PRKN: variants seen among roughly 807,000 people sequenced by gnomAD.
PRKN encodes the protein parkin RBR E3 ubiquitin protein ligase.
Under a neutral mutation model 59.5 loss-of-function variants are expected in PRKN, and 56 were observed. The ratio of observed to expected loss-of-function variants is 0.94; its 90% confidence interval spans 0.76 to 1.18. The LOEUF (loss-of-function observed/expected upper bound fraction) is 1.18. PRKN is among the 50% of genes most tolerant of loss of function. The probability of loss-of-function intolerance (pLI) is 0.00; values close to 1 mark genes in which losing one functional copy is unlikely to be tolerated. For synonymous variants in PRKN, 250 were observed against 222.1 expected (o/e 1.13, Z -1.12); for missense variants, 657 against 596.4 (o/e 1.10, Z -1.06).
rs1042075183 is a variant in PRKN, at chr6:161,467,218, C to G, written c.1084-80341G>C. ...GCATTTTGAGAGAGACTTCTTCCAT[C>G]TACACCCTTCTGTCTTAAGTATAAT... On this transcript the variant is annotated intron_variant, in intron 9 of 11. Coordinates refer to ENST00000366898, the MANE Select transcript of PRKN (RefSeq NM_004562.3). The surrounding 1 kb of genome is among the most constrained non-coding windows in gnomAD (Gnocchi z 4.3). 6.6e-6 allele frequency among the ~76,000 whole-genome samples: 1 copy of G among 152,208 alleles called. No homozygotes were observed.
At chr6:161,689,185 TACACACACACACACAC>T (rs34193135) in intron 7 of PRKN, among the ~76,000 whole-genome samples, 1,573 of 143,950 alleles carry the variant, frequency 0.011, 11 homozygotes, top group Middle Eastern at 0.015. Context: ...AATTAAATTG[TACACACACACACACAC>T]ACACACACAC....
At position 162,467,477 on chromosome 6, in the gene PRKN, T is replaced by C. The variant is rs536798343; in HGVS notation, c.8-24004A>G. ...AGCACCATGAATGAATAGCTCATGA[T>C]AAAAATTTAGCGATCGTCATCAGTG... On this transcript the variant is annotated intron_variant, in intron 1 of 11. Coordinates refer to ENST00000366898, the MANE Select transcript of PRKN (RefSeq NM_004562.3). Among the ~76,000 whole-genome samples the C allele has an allele frequency of 3.3e-5, 5 of 152,290 alleles. No homozygotes were observed. In the East Asian group the frequency reaches 9.6e-4, roughly 29 times the overall value.
rs962113440 is a variant in PRKN at position 161,454,122 on chromosome 6, G to A, written c.1084-67245C>T. Among the ~76,000 whole-genome samples, 1 of 152,120 alleles carries A rather than the reference G, an allele frequency of 6.6e-6. No individual in the cohort carries two copies. The highest frequency in any genetic ancestry group is 1.5e-5 in the Non-Finnish European group (1 of 68,030). On this transcript the variant is annotated intron_variant, in intron 9 of 11. Coordinates refer to ENST00000366898, the MANE Select transcript of PRKN (RefSeq NM_004562.3). The surrounding 1 kb of genome is among the most constrained non-coding windows in gnomAD (Gnocchi z 4.6). Reference sequence around the variant, plus strand: ...TTATTTCTTTCTTTCTGAGATGGAAGGAAACCTAAAAGTAACAATGTACAC... The same window carrying A: ...TTATTTCTTTCTTTCTGAGATGGAAAGAAACCTAAAAGTAACAATGTACAC...
chr6:162,159,076 C>A (rs547595550), intron 4 of PRKN, among the ~76,000 whole-genome samples: 2 of 152,088 alleles, frequency 1.3e-5, no homozygotes, highest in Admixed American at 6.5e-5. Context: ...CCACACTCAC[C>A]CTTAGAGCCC....
intron 7 of PRKN, among the ~76,000 whole-genome samples, chr6:161,656,031 C>T (rs1784338341): frequency 6.6e-6 from 1 of 152,178 alleles, no homozygotes; most frequent in African/African-American, 2.4e-5. Context: ...TTTGTTACAG[C>T]TTTCTAGTCT....
rs1029778919 is a variant in PRKN, at chr6:161,470,147, G to A, written c.1083+78707C>T. The stretch of plus-strand genomic sequence containing the variant: ...ATTGCATAGCTAGGAAGTGAACTCT[G>A]GCTAGGGTCTAAACCTAGACAGTCT... On this transcript the variant is annotated intron_variant, in intron 9 of 11. Coordinates refer to ENST00000366898, the MANE Select transcript of PRKN (RefSeq NM_004562.3). This position sits in a 1 kb window ranked among gnomAD's most constrained non-coding sequence, Gnocchi z 5.1. 6.6e-6 allele frequency among the ~76,000 whole-genome samples: 1 copy of A among 152,184 alleles called. No individual in the cohort carries two copies. Among genetic ancestry groups the A allele is most frequent in the Non-Finnish European group, 1.5e-5 (1 of 68,044 alleles).
intron 5 of PRKN, among the ~76,000 whole-genome samples, chr6:162,011,400 A>ATTATATATTTAT (rs1562458896): frequency 6.3e-5 from 1 of 15,830 alleles, no homozygotes; most frequent in Non-Finnish European, 9.2e-5. Flanking sequence ...TATATATTAT[A>ATTATATATTTAT]AATATATAAT....
At position 161,447,903 on chromosome 6, in the gene PRKN, T is replaced by A. The variant is rs761840591; in HGVS notation, c.1084-61026A>T. Among the ~76,000 whole-genome samples, 1 of 152,218 alleles carries A rather than the reference T, an allele frequency of 6.6e-6. No individual in the cohort carries two copies. The highest frequency in any genetic ancestry group is 1.5e-5 in the Non-Finnish European group (1 of 68,036). ...AAGTTAAGCCCTGGAAATGGAGTTG[T>A]GAGAGCAGGCTGTTTTTTCTCTCTG... On this transcript the variant is annotated intron_variant, in intron 9 of 11. Coordinates refer to ENST00000366898, the MANE Select transcript of PRKN (RefSeq NM_004562.3). The surrounding 1 kb of genome is among the most constrained non-coding windows in gnomAD (Gnocchi z 4.1).
chr6:162,353,454 T>C (rs1425354971), intron 2 of PRKN, among the ~76,000 whole-genome samples: 2 of 152,110 alleles, frequency 1.3e-5, no homozygotes, highest in Admixed American at 6.6e-5. Flanking sequence ...GTACATAAAA[T>C]AAATGTTAAA....
chr6:161,976,909 T>G (rs1431073208), intron 5 of PRKN, among the ~76,000 whole-genome samples: 2 of 152,154 alleles, frequency 1.3e-5, no homozygotes, highest in African/African-American at 4.8e-5. Flanking sequence ...CCAGATAAAA[T>G]TCAGCCAGAT....
At chr6:162,220,072 G>T (rs978530151) in intron 3 of PRKN, among the ~76,000 whole-genome samples, 1 of 152,064 alleles carries the variant, frequency 6.6e-6, no homozygotes, top group Non-Finnish European at 1.5e-5. Flanking sequence ...TAGATATACA[G>T]AAGAATGAAA....
chr6:161,946,446 TCTCTC>T (rs1779786187), intron 6 of PRKN, among the ~76,000 whole-genome samples: 1 of 143,656 alleles, frequency 7.0e-6, no homozygotes, highest in South Asian at 2.3e-4. Context: ...TCTCTCTCTC[TCTCTC>T]AATACAAAAG....
At chr6:161,888,667 C>T (rs535187788) in intron 6 of PRKN, among the ~76,000 whole-genome samples, 1 of 152,200 alleles carries the variant, frequency 6.6e-6, no homozygotes, top group South Asian at 2.1e-4. Flanking sequence ...TCAATAACTG[C>T]CCATAATCTT....
intron 1 of PRKN, among the ~76,000 whole-genome samples, chr6:162,638,001 A>G (rs1777797195): frequency 6.6e-6 from 1 of 152,064 alleles, no homozygotes; most frequent in Non-Finnish European, 1.5e-5. Context: ...CAATCCTACA[A>G]TATAACGAAG....
rs1398467610 is a variant in PRKN at position 161,527,447 on chromosome 6, C to T, written c.1083+21407G>A. The stretch of plus-strand genomic sequence containing the variant: ...GGGCTGGGAAACAGGGCATTTCCCT[C>T]CCTGAACCTTACAACCTGCTGGATG... On this transcript the variant is annotated intron_variant, in intron 9 of 11. Transcript: ENST00000366898. This position sits in a 1 kb window ranked among gnomAD's most constrained non-coding sequence, Gnocchi z 4.6. Among the ~76,000 whole-genome samples, 2 of 152,182 alleles carry T rather than the reference C, an allele frequency of 1.3e-5. No individual in the cohort carries two copies. The highest frequency in any genetic ancestry group is 2.9e-5 in the Non-Finnish European group (2 of 68,030).
chr6:162,577,545 A>G (rs1397314135), intron 1 of PRKN, among the ~76,000 whole-genome samples: 1 of 152,108 alleles, frequency 6.6e-6, no homozygotes, highest in African/African-American at 2.4e-5. Flanking sequence ...GGGTGCAGTA[A>G]GCGGAGATCA....
rs932312246 is a variant in PRKN at position 161,552,878 on chromosome 6, T to C, written c.934-3875A>G. Among the ~76,000 whole-genome samples, 1 of 148,986 alleles carries C rather than the reference T, an allele frequency of 6.7e-6. No individual in the cohort carries two copies. The highest frequency in any genetic ancestry group is 1.5e-5 in the Non-Finnish European group (1 of 67,298). On this transcript the variant is annotated intron_variant, in intron 8 of 11. Coordinates refer to ENST00000366898, the MANE Select transcript of PRKN (RefSeq NM_004562.3). This position sits in a 1 kb window ranked among gnomAD's most constrained non-coding sequence, Gnocchi z 4.9. ...CAATCTCGGCTCACTGCAACCTTCA[T>C]CTCTTGGGTTCAAGCGATTCTCCTG...
intron 7 of PRKN, among the ~76,000 whole-genome samples, chr6:161,710,859 T>C (rs58253173): frequency 5.8e-5 from 3 of 51,548 alleles, no homozygotes; most frequent in Non-Finnish European, 8.9e-5. Context: ...TTCCCTTCCC[T>C]TCCCTTTCCT....
At chr6:161,532,746 T>C (rs1412002152) in intron 9 of PRKN, among the ~76,000 whole-genome samples, 1 of 152,190 alleles carries the variant, frequency 6.6e-6, no homozygotes, top group Non-Finnish European at 1.5e-5. Flanking sequence ...TGTCTTTCAC[T>C]TTTTCATGTT....
Sources: allele counts gnomAD v4.1 joint callset (sites outside exome capture counted in the v4.1 genomes callset), GRCh38; gene constraint gnomAD v4.1.1; non-coding constraint Gnocchi (gnomAD v3.1); transcripts MANE v1.5; gene names NCBI Gene and HGNC (gene_info 2026-07-23, HGNC 2026-07-21).